C12orf42: variants seen among roughly 807,000 people sequenced by gnomAD.
C12orf42 encodes uncharacterized protein C12orf42.
A neutral mutation model predicts 21.6 loss-of-function variants in C12orf42; 25 were observed. The ratio of observed to expected loss-of-function variants is 1.16; its 90% confidence interval spans 0.84 to 1.62. The LOEUF (loss-of-function observed/expected upper bound fraction) is 1.62, where lower values mean the gene tolerates loss of function less well. Among genes scored for constraint, C12orf42 ranks in the 40% most tolerant of loss-of-function variants. The pLI is 0.00. For synonymous variants in C12orf42, 174 were observed against 175.0 expected, an observed-to-expected ratio of 0.99 and a Z score of 0.05; for missense variants, 483 against 459.3, an observed-to-expected ratio of 1.05 and a Z score of -0.47.
Position 103,294,640 on chromosome 12 carries a change from G to A in C12orf42, n.338-17430C>T, listed in dbSNP as rs985492367. ...AGAAAGAAAGAAAGAAAGAAAGAAG[G>A]AAAAGAAAGAGAAAGAAAGAAAGAA... On this transcript the variant is annotated intron_variant and non_coding_transcript_variant, in intron 4 of 6. Coordinates refer to the C12orf42 transcript ENST00000546526. Among the ~76,000 whole-genome samples, 9 of 135,394 alleles carry A rather than the reference G, an allele frequency of 6.6e-5. 1 individual carries two copies. In the East Asian group the frequency reaches 1.8e-3, roughly 27 times the overall value. 88.8% of individuals were successfully genotyped at this position (135,394 alleles called of 152,430 possible). A position where few individuals can be genotyped will look rare whatever the true frequency, so the allele number is the denominator to read the frequency against.
chr12:103,261,703 C>T (rs185294990), intron 10 of C12orf42, among the ~76,000 whole-genome samples: 116 of 151,906 alleles, frequency 7.6e-4, no homozygotes, highest in Non-Finnish European at 8.2e-4. Flanking sequence ...TTCATTTCCC[C>T]TTATTCAACA....
the C12orf42 span, among the ~76,000 whole-genome samples, chr12:103,104,154 T>C: frequency 2.6e-5 from 4 of 152,168 alleles, no homozygotes; most frequent in African/African-American, 9.7e-5. Flanking sequence ...AACATATGTA[T>C]CTGTATAAGT....
intron 2 of C12orf42, among the ~76,000 whole-genome samples, chr12:103,427,152 A>G (rs925755989): frequency 4.6e-5 from 7 of 152,116 alleles, no homozygotes; most frequent in African/African-American, 1.4e-4. Flanking sequence ...CAATTAAAAG[A>G]CACAGACTGG....
At chr12:103,322,527 G>T (rs775844649) in intron 4 of C12orf42, among the ~76,000 whole-genome samples, 5 of 152,152 alleles carry the variant, frequency 3.3e-5, no homozygotes, top group Non-Finnish European at 7.4e-5. Flanking sequence ...TCTCAGGACT[G>T]CTGAAGATCC....
the C12orf42 span, among the ~76,000 whole-genome samples, chr12:103,186,949 G>T: frequency 5.3e-5 from 8 of 152,166 alleles, no homozygotes; most frequent in African/African-American, 1.7e-4. Context: ...TCTCTCATTT[G>T]TTCATTTGTA....
chr12:103,391,207 G>A (rs1222390287), intron 3 of C12orf42, among the ~76,000 whole-genome samples: 1 of 151,960 alleles, frequency 6.6e-6, no homozygotes, highest in African/African-American at 2.4e-5. Context: ...ATGGCACTGA[G>A]TTTTTGTTTT....
chr12:103,452,713 C>A (rs1952028432), intron 2 of C12orf42, among the ~76,000 whole-genome samples: 1 of 152,206 alleles, frequency 6.6e-6, no homozygotes, highest in East Asian at 1.9e-4. Context: ...AGGATGAGTT[C>A]ATGTCCTTTG....
chr12:103,120,549 A>G, the C12orf42 span, among the ~76,000 whole-genome samples: 2 of 152,002 alleles, frequency 1.3e-5, no homozygotes, highest in Admixed American at 1.3e-4. Context: ...TTAATATGTC[A>G]ATTGCTTGAC....
At chr12:103,123,476 C>T in the C12orf42 span, among the ~76,000 whole-genome samples, 1,746 of 152,164 alleles carry the variant, frequency 0.011, 31 homozygotes, top group African/African-American at 0.04. Flanking sequence ...AAAACATGAC[C>T]TGAGAAAGTA....
the C12orf42 span, among the ~76,000 whole-genome samples, chr12:103,056,842 A>G: frequency 3.3e-5 from 5 of 151,830 alleles, no homozygotes; most frequent in East Asian, 1.9e-4. Flanking sequence ...GAGACTCCCT[A>G]TTTCTTTTCT....
chr12:103,487,800 T>C (rs1372006373), intron 1 of C12orf42, among the ~76,000 whole-genome samples: 1 of 152,190 alleles, frequency 6.6e-6, no homozygotes, highest in Admixed American at 6.5e-5. Flanking sequence ...TTGCTTTCCA[T>C]TTGCTTGGTA....
the C12orf42 span, among the ~76,000 whole-genome samples, chr12:103,187,575 A>G: frequency 1.8e-4 from 27 of 152,294 alleles, no homozygotes; most frequent in South Asian, 5.2e-3. Context: ...TTGCCAATGT[A>G]TGGTCTTTTC....
chr12:103,229,391 G>A, the C12orf42 span, among the ~76,000 whole-genome samples: 14 of 152,166 alleles, frequency 9.2e-5, no homozygotes, highest in African/African-American at 3.4e-4. Context: ...TTCTCTCAGC[G>A]ATTCAAAAAC....
chr12:103,077,738 A>G, the C12orf42 span, among the ~76,000 whole-genome samples: 1 of 152,130 alleles, frequency 6.6e-6, no homozygotes, highest in Non-Finnish European at 1.5e-5. Flanking sequence ...ACTCAATAAC[A>G]TTTGATGAAG....
chr12:103,491,520 A>G (rs183415326), intron 1 of C12orf42, among the ~76,000 whole-genome samples: 1 of 152,346 alleles, frequency 6.6e-6, no homozygotes, highest in East Asian at 1.9e-4. Flanking sequence ...TTTAGCAGGA[A>G]TTAGGTAATA....
At chr12:103,322,545 G>C (rs994655758) in intron 4 of C12orf42, among the ~76,000 whole-genome samples, 2 of 152,124 alleles carry the variant, frequency 1.3e-5, no homozygotes, top group Admixed American at 1.3e-4. Flanking sequence ...TCCTGGCTCA[G>C]AGCCTCCCTG....
chr12:103,478,588 T>G (rs1954241669), intron 1 of C12orf42, 141 bp from the exon 2 acceptor site: 1 of 391,722 alleles, frequency 2.6e-6, no homozygotes, highest in Non-Finnish European at 4.5e-6. Context: ...CAATAATTTT[T>G]TTTTTTTTTT....
chr12:103,399,764 T>C (rs1048807647), intron 3 of C12orf42, among the ~76,000 whole-genome samples: 92 of 152,152 alleles, frequency 6.0e-4, no homozygotes, highest in Non-Finnish European at 2.9e-5. Context: ...TATCTGACTA[T>C]TGTTAGGTGG....
the C12orf42 span, among the ~76,000 whole-genome samples, chr12:103,560,902 C>A: frequency 6.6e-6 from 1 of 152,208 alleles, no homozygotes; most frequent in Non-Finnish European, 1.5e-5. Flanking sequence ...ATATTTCATC[C>A]ACAATAGCAT....
Sources: gnomAD v4.1 joint callset for allele counts (sites outside exome capture counted in the v4.1 genomes callset) on GRCh38, gnomAD v4.1.1 for gene constraint, MANE v1.5 for transcripts, NCBI Gene and HGNC (gene_info 2026-07-23, HGNC 2026-07-21) for gene names.